The following FRMD4A variants were observed in gnomAD, a reference collection of about 807,000 sequenced individuals.
FRMD4A encodes the protein FERM domain-containing protein 4A.
FRMD4A carries 29 observed loss-of-function variants against 129.1 expected under a neutral mutation model. The observed-to-expected ratio is 0.22, with a 90% confidence interval of 0.17 to 0.31. The LOEUF is 0.31. FRMD4A is among the 10% of genes least tolerant of loss of function. FRMD4A has a pLI of 1.00. For missense variants in FRMD4A, 1,272 were observed against 1,375.8 expected (o/e 0.92, Z 1.19); for synonymous variants, 634 against 571.6 (o/e 1.11, Z -1.56).
At chr10:14,232,823 G>T (rs986010594) in intron 2 of FRMD4A, among the ~76,000 whole-genome samples, 1 of 152,188 alleles carries the variant, frequency 6.6e-6, no homozygotes, top group Non-Finnish European at 1.5e-5. Context: ...AAGCCTTTGG[G>T]CAGAGACTTT....
intron 2 of FRMD4A, among the ~76,000 whole-genome samples, chr10:14,199,118 T>G (rs1589157176): frequency 6.6e-6 from 1 of 152,086 alleles, no homozygotes; most frequent in Non-Finnish European, 1.5e-5. Context: ...TAATTTAATT[T>G]TACTGGTTTT....
At chr10:14,135,651 G>C (rs1465534141) in intron 2 of FRMD4A, among the ~76,000 whole-genome samples, 1 of 152,228 alleles carries the variant, frequency 6.6e-6, no homozygotes, top group Non-Finnish European at 1.5e-5. Flanking sequence ...ATTCAGGTTT[G>C]TGCAAGCACA....
At chr10:13,883,734 G>C (rs185221216) in intron 2 of FRMD4A, among the ~76,000 whole-genome samples, 26 of 152,252 alleles carry the variant, frequency 1.7e-4, no homozygotes, top group East Asian at 1.2e-3. Context: ...ACAAATACCA[G>C]CTTATAATTT....
intron 3 of FRMD4A, among the ~76,000 whole-genome samples, chr10:13,816,602 A>G (rs2093547596): frequency 6.6e-6 from 1 of 152,200 alleles, no homozygotes; most frequent in Non-Finnish European, 1.5e-5. Context: ...CGCTGATGTG[A>G]CAGTGATTAA....
chr10:13,872,945 G>A (rs892114163), intron 2 of FRMD4A, among the ~76,000 whole-genome samples: 2 of 152,136 alleles, frequency 1.3e-5, no homozygotes, highest in Admixed American at 6.6e-5. Context: ...GGAGGCGGAG[G>A]GGGGCAGATC....
At chr10:14,275,466 T>C (rs1299846383) in intron 2 of FRMD4A, among the ~76,000 whole-genome samples, 2 of 152,190 alleles carry the variant, frequency 1.3e-5, no homozygotes, top group Non-Finnish European at 2.9e-5. Context: ...ACCCACATGG[T>C]TGGTGGCTAT....
chr10:14,327,259 T>A (rs1227965027), intron 2 of FRMD4A, among the ~76,000 whole-genome samples: 1 of 152,220 alleles, frequency 6.6e-6, no homozygotes, highest in Non-Finnish European at 1.5e-5. Flanking sequence ...ATGAAACATA[T>A]CTGCCCTAGC....
intron 13 of FRMD4A, among the ~76,000 whole-genome samples, chr10:13,701,832 A>G (rs1470816771): frequency 6.6e-6 from 1 of 152,220 alleles, no homozygotes; most frequent in Non-Finnish European, 1.5e-5. Flanking sequence ...AAAACCTTCA[A>G]TGATGCTCCC....
intron 2 of FRMD4A, among the ~76,000 whole-genome samples, chr10:14,073,801 T>C (rs1045666574): frequency 3.3e-5 from 5 of 152,102 alleles, no homozygotes; most frequent in Admixed American, 6.5e-5. Flanking sequence ...CCTGTATAAA[T>C]TGGGTCACCA....
At chr10:14,175,915 CAG>C (rs1161401473) in intron 2 of FRMD4A, among the ~76,000 whole-genome samples, 1 of 152,180 alleles carries the variant, frequency 6.6e-6, no homozygotes, top group African/African-American at 2.4e-5. Flanking sequence ...ATCCTTTGAC[CAG>C]AGTCTTAGCA....
intron 3 of FRMD4A, among the ~76,000 whole-genome samples, chr10:13,813,143 T>C (rs1041935995): frequency 6.6e-6 from 1 of 152,226 alleles, no homozygotes; most frequent in Non-Finnish European, 1.5e-5. Flanking sequence ...GTGTGGCTGC[T>C]TTTTAAATTG....
rs398054138 is a variant in FRMD4A, at chr10:14,280,315, CT to C, written c.45+49742del. ...CCCTGGCCATCAACATCAGAAAATA[CT>C]TTTTTTTTTTTTAAATTTAGGGTCT... On this transcript the variant is annotated intron_variant, in intron 2 of 24. Transcript: ENST00000357447. 6.8e-3 allele frequency among the ~76,000 whole-genome samples: 985 copies of C among 145,222 alleles called. 1 individual carries two copies. The highest frequency in any genetic ancestry group is 8.5e-3 in the African/African-American group (339 of 39,936).
At chr10:13,670,144 G>A (rs2083397393) in intron 17 of FRMD4A, among the ~76,000 whole-genome samples, 1 of 152,108 alleles carries the variant, frequency 6.6e-6, no homozygotes, top group African/African-American at 2.4e-5. Context: ...TTTTCCCCAA[G>A]CTCAACGTGG....
At chr10:13,943,943 G>A (rs1043872377) in intron 2 of FRMD4A, among the ~76,000 whole-genome samples, 4 of 152,142 alleles carry the variant, frequency 2.6e-5, no homozygotes, top group African/African-American at 9.7e-5. Flanking sequence ...CAGCGTAAAA[G>A]ATGAGACTAT....
At chr10:13,907,943 A>T (rs1244346502) in intron 2 of FRMD4A, among the ~76,000 whole-genome samples, 7 of 151,662 alleles carry the variant, frequency 4.6e-5, no homozygotes, top group Non-Finnish European at 8.8e-5. Flanking sequence ...AGGCAGGCGG[A>T]TCACCTGAGG....
intron 2 of FRMD4A, among the ~76,000 whole-genome samples, chr10:13,966,521 C>G (rs1031031190): frequency 1.3e-5 from 2 of 152,174 alleles, no homozygotes; most frequent in African/African-American, 4.8e-5. Context: ...CAAAAGTCCC[C>G]GTTGAGAAGA....
intron 20 of FRMD4A, 72 bp from the exon 21 acceptor site, chr10:13,659,562 G>A: frequency 1.4e-6 from 2 of 1,448,658 alleles, no homozygotes; most frequent in Admixed American, 1.8e-5. Context: ...GGCTAGTTCA[G>A]GACAATGATC....
In FRMD4A at chr10:13,930,699, C is replaced by T. The variant is rs144920163; in HGVS notation, c.46-71787G>A. Reference sequence around the variant, plus strand: ...AAAACGTCGTTTGAGGGAAAGAATGCTTAAATAGGAATATAACAGTGTAGA... The same window carrying T: ...AAAACGTCGTTTGAGGGAAAGAATGTTTAAATAGGAATATAACAGTGTAGA... On this transcript the variant is annotated intron_variant, in intron 2 of 24. Coordinates refer to ENST00000357447, the MANE Select transcript of FRMD4A (RefSeq NM_018027.5). 3.9e-4 allele frequency among the ~76,000 whole-genome samples: 59 copies of T among 152,106 alleles called. 1 individual carries two copies. In the East Asian group the frequency reaches 0.01, roughly 26 times the overall value.
At chr10:13,854,384 G>A (rs967471907) in intron 3 of FRMD4A, among the ~76,000 whole-genome samples, 1 of 152,134 alleles carries the variant, frequency 6.6e-6, no homozygotes, top group Non-Finnish European at 1.5e-5. Context: ...CCAAGACTGC[G>A]ATGAGGGTGG....
Sources: allele counts gnomAD v4.1 joint callset (sites outside exome capture counted in the v4.1 genomes callset), GRCh38; gene constraint gnomAD v4.1.1; transcripts MANE v1.5; gene names NCBI Gene and HGNC (gene_info 2026-07-23, HGNC 2026-07-21).